SRD5A2: variants seen among roughly 807,000 people sequenced by gnomAD.
SRD5A2 encodes the protein 3-oxo-5-alpha-steroid 4-dehydrogenase 2.
Under a neutral mutation model 27.4 loss-of-function variants are expected in SRD5A2, and 30 were observed. The ratio of observed to expected loss-of-function variants is 1.10; its 90% CI spans 0.82 to 1.49. The LOEUF is 1.49. Ranked by LOEUF, SRD5A2 falls within the 40% of genes most tolerant of loss-of-function variation. The pLI, the probability that SRD5A2 is intolerant of heterozygous loss-of-function variation, is 0.00. For synonymous variants in SRD5A2, 141 were observed against 133.6 expected (o/e 1.06, Z -0.38); for missense variants, 348 against 323.4 (o/e 1.08, Z -0.58).
At chr2:31,528,321 T>C (rs1665826030) in intron 4 of SRD5A2, among the ~76,000 whole-genome samples, 1 of 152,212 alleles carries the variant, frequency 6.6e-6, no homozygotes, top group African/African-American at 2.4e-5. Flanking sequence ...AACCCTGGCA[T>C]TGCAGAGATT....
intron 3 of SRD5A2, among the ~76,000 whole-genome samples, chr2:31,529,930 C>A (rs1665869607): frequency 6.6e-6 from 1 of 152,140 alleles, no homozygotes; most frequent in Non-Finnish European, 1.5e-5. Flanking sequence ...AATTTAGATT[C>A]TCTTATGGGA....
chr2:31,635,922 T>G, the SRD5A2 span, among the ~76,000 whole-genome samples: 1 of 152,130 alleles, frequency 6.6e-6, no homozygotes, highest in African/African-American at 2.4e-5. Flanking sequence ...TCTATTTTTA[T>G]GCCAATTCTA....
the SRD5A2 span, among the ~76,000 whole-genome samples, chr2:31,644,094 G>A: frequency 1.3e-5 from 2 of 152,156 alleles, no homozygotes; most frequent in African/African-American, 4.8e-5. Context: ...AAATTAAATT[G>A]TCAAATGTTG....
chr2:31,605,589 A>C, the SRD5A2 span, among the ~76,000 whole-genome samples: 1 of 151,982 alleles, frequency 6.6e-6, no homozygotes, highest in East Asian at 1.9e-4. Context: ...TGAAAACTAC[A>C]ATGAGATATC....
At chr2:31,632,557 G>C in the SRD5A2 span, among the ~76,000 whole-genome samples, 2 of 152,132 alleles carry the variant, frequency 1.3e-5, no homozygotes, top group Non-Finnish European at 2.9e-5. Flanking sequence ...CAGAGCCCTG[G>C]GTATGCTTGA....
intron 1 of SRD5A2, among the ~76,000 whole-genome samples, chr2:31,547,951 G>A (rs1296327231): frequency 2.0e-5 from 3 of 152,082 alleles, no homozygotes; most frequent in Non-Finnish European, 4.4e-5. Flanking sequence ...CTGTCTCTCT[G>A]AAGAACCCTG....
chr2:31,593,871 A>C, the SRD5A2 span, among the ~76,000 whole-genome samples: 1 of 152,216 alleles, frequency 6.6e-6, no homozygotes, highest in Non-Finnish European at 1.5e-5. Flanking sequence ...GCAAGCCAGA[A>C]GGGATTGGGG....
In SRD5A2 at chr2:31,529,387, C is replaced by A. The variant is rs1244753470; in HGVS notation, c.618G>T (p.Leu206=). 6.2e-7 allele frequency: 1 copy of A among 1,613,922 alleles called. No individual in the cohort carries two copies. Among genetic ancestry groups the A allele is most frequent in the Non-Finnish European group, 8.5e-7 (1 of 1,179,836 alleles). ...GEIIEWIGYA[L]ATWSLPALAF... ...CAAGTGCTGGGAGGGACCAAGTGGC[C>A]AGGGCATAGCCGATCCATTCAATGA... is the stretch of plus-strand genomic sequence containing the variant. Residue 206 remains leucine, a synonymous_variant, in exon 4 of 5, where the codon CTG becomes CTT. Coordinates refer to ENST00000622030, the MANE Select transcript of SRD5A2 (RefSeq NM_000348.4).
chr2:31,658,546 C>G, the SRD5A2 span, among the ~76,000 whole-genome samples: 1 of 150,828 alleles, frequency 6.6e-6, no homozygotes, highest in African/African-American at 2.4e-5. Context: ...TACCACTGAC[C>G]CCACAGAAAT....
intron 1 of SRD5A2, among the ~76,000 whole-genome samples, chr2:31,547,248 T>C (rs28383021): frequency 3.3e-4 from 51 of 152,360 alleles, no homozygotes; most frequent in African/African-American, 1.2e-3. Context: ...ATTTTGGATG[T>C]GACCTTGACT....
the SRD5A2 span, among the ~76,000 whole-genome samples, chr2:31,586,042 T>G: frequency 6.6e-6 from 1 of 152,218 alleles, no homozygotes; most frequent in East Asian, 1.9e-4. Flanking sequence ...ATTTTATTAT[T>G]ATTTATTATT....
the SRD5A2 span, among the ~76,000 whole-genome samples, chr2:31,624,017 G>C: frequency 6.6e-6 from 1 of 152,084 alleles, no homozygotes; most frequent in Non-Finnish European, 1.5e-5. Flanking sequence ...GTATTTTATT[G>C]AGGATTTTTG....
At chr2:31,649,180 C>G in the SRD5A2 span, among the ~76,000 whole-genome samples, 1 of 152,124 alleles carries the variant, frequency 6.6e-6, no homozygotes, top group Non-Finnish European at 1.5e-5. Context: ...TTTAAACAGC[C>G]GCTAGCTATT....
rs139565962 is a variant in SRD5A2, at chr2:31,552,383, C to T, written c.282-18617G>A. On this transcript the variant is annotated intron_variant, in intron 1 of 4. Transcript: ENST00000622030. ...GGGGAAGAGAAGTGGAATGACCATC[C>T]GGCATCCCAGTCTTTCAGTGAATTG... 8.4e-3 allele frequency among the ~76,000 whole-genome samples: 1,269 copies of T among 151,946 alleles called. 19 individuals carry two copies. Among genetic ancestry groups the T allele is most frequent in the Non-Finnish European group, 0.013 (853 of 67,962 alleles).
At chr2:31,526,356 A>G (rs947234276) in intron 4 of SRD5A2, 94 bp from the exon 5 acceptor site, 1 of 819,790 alleles carries the variant, frequency 1.2e-6, no homozygotes, top group South Asian at 1.5e-5. Context: ...AAGTCAACCT[A>G]CAGTTATTTT....
chr2:31,554,432 A>G (rs1261737152), intron 1 of SRD5A2, among the ~76,000 whole-genome samples: 1 of 152,178 alleles, frequency 6.6e-6, no homozygotes, highest in African/African-American at 2.4e-5. Flanking sequence ...GCAACTGGAG[A>G]CAACTTGGAG....
At chr2:31,647,247 A>G in the SRD5A2 span, among the ~76,000 whole-genome samples, 3 of 152,198 alleles carry the variant, frequency 2.0e-5, no homozygotes, top group Non-Finnish European at 4.4e-5. Flanking sequence ...GCGTGTATTC[A>G]ATCCAGGAAT....
intron 1 of SRD5A2, among the ~76,000 whole-genome samples, chr2:31,544,049 G>T (rs1666193346): frequency 6.6e-6 from 1 of 151,876 alleles, no homozygotes; most frequent in Non-Finnish European, 1.5e-5. Context: ...TGTACTAACA[G>T]GCAAAATGGA....
the SRD5A2 span, among the ~76,000 whole-genome samples, chr2:31,624,156 A>G: frequency 6.6e-6 from 1 of 152,004 alleles, no homozygotes; most frequent in Admixed American, 6.6e-5. Flanking sequence ...ATGCTTTGAT[A>G]CAGGCATGGA....
Sources: allele counts gnomAD v4.1 joint callset (sites outside exome capture counted in the v4.1 genomes callset), GRCh38; gene constraint gnomAD v4.1.1; transcripts MANE v1.5; gene names NCBI Gene and HGNC (gene_info 2026-07-23, HGNC 2026-07-21).